NOS1AP: variants seen among roughly 807,000 people sequenced by gnomAD.
The protein encoded by NOS1AP is nitric oxide synthase 1 adaptor protein, also known as carboxyl-terminal PDZ ligand of neuronal nitric oxide synthase protein.
A neutral mutation model predicts 56.2 loss-of-function variants in NOS1AP; 21 were observed. The observed-to-expected ratio is 0.37, with a 90% CI of 0.26 to 0.54. The LOEUF (loss-of-function observed/expected upper bound fraction) is 0.54. NOS1AP is among the 20% of genes least tolerant of loss of function. The probability of loss-of-function intolerance (pLI) is 0.84; values close to 1 mark genes in which losing one functional copy is unlikely to be tolerated. For missense variants in NOS1AP, 522 were observed against 657.8 expected (o/e 0.79, Z 2.26); for synonymous variants, 270 against 274.6 (o/e 0.98, Z 0.17).
At chr1:162,366,938 G>C in intron 9 of NOS1AP, 114 bp from the exon 10 acceptor site, 2 of 1,212,446 alleles carry the variant, frequency 1.6e-6, no homozygotes, top group Non-Finnish European at 2.4e-6. Flanking sequence ...GAGAGGTGCT[G>C]CTAAGCTGGT....
intron 1 of NOS1AP, among the ~76,000 whole-genome samples, chr1:162,130,816 T>A (rs2102062978): frequency 6.6e-6 from 1 of 152,318 alleles, no homozygotes; most frequent in South Asian, 2.1e-4. Context: ...ATCAGAATCA[T>A]CTAAGGAATT....
intron 2 of NOS1AP, among the ~76,000 whole-genome samples, chr1:162,218,640 G>A (rs1464498765): frequency 2.6e-5 from 4 of 152,232 alleles, no homozygotes; most frequent in African/African-American, 4.8e-5. Context: ...CTGGTCAGTC[G>A]TGGAACTATC....
At chr1:162,354,510 G>T (rs992721398) in intron 6 of NOS1AP, among the ~76,000 whole-genome samples, 2 of 152,154 alleles carry the variant, frequency 1.3e-5, no homozygotes, top group Non-Finnish European at 2.9e-5. Flanking sequence ...AGAAATGTGG[G>T]AAGTAGAAAA....
In NOS1AP at chr1:162,287,283, C is replaced by T. The variant is rs1655119465; in HGVS notation, c.178-61C>T. ...TTTTCCAGGCATGGGCTAGCTGGGT[C>T]TGTATAGATGCACTGATCTCATCAG... On this transcript the variant is annotated intron_variant, in intron 2 of 9. Coordinates refer to ENST00000361897, the MANE Select transcript of NOS1AP (RefSeq NM_014697.3). 4 of 1,214,610 alleles carry T rather than the reference C, an allele frequency of 3.3e-6. No individual in the cohort carries two copies. In the East Asian group the frequency reaches 9.3e-5, roughly 28 times the overall value. 75.2% of individuals were successfully genotyped at this position (1,214,610 alleles called of 1,614,324 possible).
chr1:162,206,076 A>G (rs1652153762), intron 2 of NOS1AP, among the ~76,000 whole-genome samples: 1 of 152,228 alleles, frequency 6.6e-6, no homozygotes. Flanking sequence ...CAGTAGCATA[A>G]AACCTTTTAG....
chr1:162,271,340 A>G (rs1253775032), intron 2 of NOS1AP, among the ~76,000 whole-genome samples: 1 of 147,384 alleles, frequency 6.8e-6, no homozygotes, highest in Non-Finnish European at 1.5e-5. Flanking sequence ...TGATGTAGAG[A>G]GTGTTTACTT....
intron 4 of NOS1AP, among the ~76,000 whole-genome samples, chr1:162,315,696 C>T (rs891101088): frequency 6.6e-6 from 1 of 152,206 alleles, no homozygotes; most frequent in African/African-American, 2.4e-5. Context: ...TGCTGGCAGT[C>T]ACCATGATCA....
At chr1:162,362,816 C>T (rs1657948663) in intron 8 of NOS1AP, among the ~76,000 whole-genome samples, 1 of 152,134 alleles carries the variant, frequency 6.6e-6, no homozygotes, top group Admixed American at 6.5e-5. Flanking sequence ...TTGGGGGACC[C>T]CCAGCTGAAA....
intron 1 of NOS1AP, among the ~76,000 whole-genome samples, chr1:162,109,787 T>C (rs780298277): frequency 5.3e-5 from 8 of 151,918 alleles, no homozygotes; most frequent in Non-Finnish European, 1.0e-4. Flanking sequence ...GTATCTGCAA[T>C]TCATTCCTGT....
chr1:162,119,262 A>G (rs563517956), intron 1 of NOS1AP, among the ~76,000 whole-genome samples: 20 of 152,288 alleles, frequency 1.3e-4, no homozygotes, highest in Admixed American at 1.3e-3. Context: ...CTCTCCAGGC[A>G]TTCTAGAGAG....
chr1:162,111,400 C>T (rs904048854), intron 1 of NOS1AP, among the ~76,000 whole-genome samples: 1 of 152,176 alleles, frequency 6.6e-6, no homozygotes, highest in African/African-American at 2.4e-5. Flanking sequence ...GTGATGTAGG[C>T]GTGGTTGGGG....
intron 1 of NOS1AP, among the ~76,000 whole-genome samples, chr1:162,114,644 C>T (rs188299683): frequency 1.3e-5 from 2 of 152,188 alleles, no homozygotes; most frequent in Admixed American, 1.3e-4. Context: ...AAATTGGATG[C>T]ATCATCTGCC....
At chr1:162,250,072 C>T (rs1167149346) in intron 2 of NOS1AP, among the ~76,000 whole-genome samples, 2 of 152,224 alleles carry the variant, frequency 1.3e-5, no homozygotes, top group African/African-American at 4.8e-5. Flanking sequence ...ACTCTCAGAG[C>T]ACTGCCTAGA....
intron 4 of NOS1AP, among the ~76,000 whole-genome samples, chr1:162,315,514 C>T (rs78716699): frequency 0.045 from 6,907 of 152,284 alleles, 442 homozygotes; most frequent in African/African-American, 0.14. Context: ...TTGGCTTCCT[C>T]TCTGGTGGCA....
At chr1:162,255,541 G>A (rs1378627992) in intron 2 of NOS1AP, among the ~76,000 whole-genome samples, 2 of 101,320 alleles carry the variant, frequency 2.0e-5, no homozygotes, top group African/African-American at 7.4e-5. Context: ...GATAGGTAAT[G>A]CATTGCTCTG....
chr1:162,283,712 A>G (rs1205463853), intron 2 of NOS1AP, among the ~76,000 whole-genome samples: 1 of 152,110 alleles, frequency 6.6e-6, no homozygotes, highest in East Asian at 1.9e-4. Flanking sequence ...GAAACCCCAG[A>G]CACTTTCCCC....
At chr1:162,075,474 T>C (rs529641902) in intron 1 of NOS1AP, among the ~76,000 whole-genome samples, 1 of 152,342 alleles carries the variant, frequency 6.6e-6, no homozygotes, top group Admixed American at 6.5e-5. Context: ...CATACGGCCA[T>C]GAAGGCCTCC....
chr1:162,279,607 C>T (rs902400771), intron 2 of NOS1AP, among the ~76,000 whole-genome samples: 19 of 152,288 alleles, frequency 1.2e-4, no homozygotes, highest in Admixed American at 2.0e-4. Flanking sequence ...TATTTCATAC[C>T]CTTCCCACGT....
chr1:162,234,569 A>T (rs911673252), intron 2 of NOS1AP, among the ~76,000 whole-genome samples: 8 of 152,116 alleles, frequency 5.3e-5, no homozygotes, highest in African/African-American at 1.9e-4. Flanking sequence ...ACGTGGAGCC[A>T]ATGTGTCTCT....
Sources: gnomAD v4.1 joint callset for allele counts (sites outside exome capture counted in the v4.1 genomes callset) on GRCh38, gnomAD v4.1.1 for gene constraint, MANE v1.5 for transcripts, NCBI Gene and HGNC (gene_info 2026-07-23, HGNC 2026-07-21) for gene names.